Variants in ITFG1 observed in about 807,000 individuals in gnomAD.
The protein encoded by ITFG1 is integrin alpha FG-GAP repeat containing 1, also known as T-cell immunomodulatory protein.
A neutral mutation model predicts 81.8 loss-of-function variants in ITFG1; 34 were observed. That is an observed-to-expected ratio of 0.42 (90% confidence interval 0.32 to 0.55). The LOEUF is 0.55. Ranked by LOEUF, ITFG1 falls within the 20% of genes least tolerant of loss-of-function variation. The pLI is 0.17. For missense variants in ITFG1, 672 were observed against 755.4 expected (o/e 0.89, Z 1.29); for synonymous variants, 285 against 270.6 (o/e 1.05, Z -0.52).
At chr16:47,224,698 G>A (rs1010173630) in intron 13 of ITFG1, among the ~76,000 whole-genome samples, 2 of 151,980 alleles carry the variant, frequency 1.3e-5, no homozygotes, top group African/African-American at 2.4e-5. Context: ...TGGCTCATAC[G>A]TCGGGGAAAA....
At chr16:47,186,016 TG>T (rs1404464670) in intron 14 of ITFG1, among the ~76,000 whole-genome samples, 1 of 152,070 alleles carries the variant, frequency 6.6e-6, no homozygotes, top group Non-Finnish European at 1.5e-5. Flanking sequence ...CTAGAAGAAA[TG>T]GATAAATTCC....
At chr16:47,251,544 A>G (rs561804317) in intron 12 of ITFG1, among the ~76,000 whole-genome samples, 1 of 152,168 alleles carries the variant, frequency 6.6e-6, no homozygotes, top group Non-Finnish European at 1.5e-5. Flanking sequence ...GAAGACTAAC[A>G]GGAATAATCA....
intron 10 of ITFG1, among the ~76,000 whole-genome samples, chr16:47,303,473 T>C (rs1002163270): frequency 4.7e-4 from 62 of 130,738 alleles, no homozygotes; most frequent in African/African-American, 1.6e-3. Context: ...TTACCCAATA[T>C]AGCACTTAAT....
At chr16:47,376,840 G>A (rs1052863979) in intron 6 of ITFG1, among the ~76,000 whole-genome samples, 10 of 151,658 alleles carry the variant, frequency 6.6e-5, no homozygotes, top group African/African-American at 1.5e-4. Context: ...GTGATGGTGC[G>A]CACCTGTAGT....
chr16:47,258,613 A>G lies in ITFG1; in HGVS notation c.1330+19T>C, dbSNP rs748315436. ...GGGAAGAGAAAGAGAACAAAATTAA[A>G]TGTTAGTACTTTACTCACCAATAAC... On this transcript the variant is annotated intron_variant, in intron 12 of 17. Coordinates refer to ENST00000320640, the MANE Select transcript of ITFG1 (RefSeq NM_030790.5). 26 of 1,068,482 alleles carry G rather than the reference A, an allele frequency of 2.4e-5. No individual in the cohort carries two copies. The highest frequency in any genetic ancestry group is 2.9e-5 in the Non-Finnish European group (20 of 698,328). The allele number at this position is 1,068,482 out of a possible 1,614,324, so 66.2% of individuals were successfully genotyped here. A position where few individuals can be genotyped will look rare whatever the true frequency, so the allele number is the denominator to read the frequency against.
intron 13 of ITFG1, among the ~76,000 whole-genome samples, chr16:47,224,510 C>G (rs1409443780): frequency 6.6e-6 from 1 of 151,916 alleles, no homozygotes; most frequent in Non-Finnish European, 1.5e-5. Flanking sequence ...TGGCAACACA[C>G]AACAAAAAAT....
chr16:47,222,866 A>G (rs531238230), intron 13 of ITFG1, among the ~76,000 whole-genome samples: 80 of 152,342 alleles, frequency 5.3e-4, no homozygotes, highest in African/African-American at 1.9e-3. Flanking sequence ...GGTGCTGAGA[A>G]AAATGTATAT....
chr16:47,412,195 T>A (rs1306937561), intron 6 of ITFG1, among the ~76,000 whole-genome samples: 1 of 152,118 alleles, frequency 6.6e-6, no homozygotes, highest in Non-Finnish European at 1.5e-5. Context: ...CTCTGGTAAT[T>A]CAGTCAGAGT....
At chr16:47,237,736 C>A (rs1965892507) in intron 13 of ITFG1, among the ~76,000 whole-genome samples, 1 of 152,104 alleles carries the variant, frequency 6.6e-6, no homozygotes, top group South Asian at 2.1e-4. Flanking sequence ...GAGGGGTGGT[C>A]ATTCTGCTAA....
At chr16:47,396,674 G>C (rs776067045) in intron 6 of ITFG1, among the ~76,000 whole-genome samples, 20 of 152,162 alleles carry the variant, frequency 1.3e-4, no homozygotes, top group Non-Finnish European at 2.2e-4. Context: ...GGATAGGAGG[G>C]AAATGGAGGC....
In ITFG1 at chr16:47,353,273, G is replaced by T. The variant is rs150084498; in HGVS notation, c.802+12515C>A. Among the ~76,000 whole-genome samples the T allele has an allele frequency of 6.4e-4, 97 of 152,054 alleles. 1 individual carries two copies. Among genetic ancestry groups the T allele is most frequent in the African/African-American group, 2.1e-3 (87 of 41,482 alleles). On this transcript the variant is annotated intron_variant, in intron 8 of 17. Transcript: ENST00000320640. ...GGATTCATCCCAGAGGCATAAAAAT[G>T]GTTCAATATACACAAATCAATAAAT...
chr16:47,362,478 C>A (rs985978879), intron 8 of ITFG1, among the ~76,000 whole-genome samples: 15 of 152,204 alleles, frequency 9.9e-5, no homozygotes, highest in African/African-American at 2.9e-4. Flanking sequence ...CCCATCACTT[C>A]TACAGAATAA....
At chr16:47,425,457 G>C (rs1278107967) in intron 6 of ITFG1, among the ~76,000 whole-genome samples, 1 of 152,128 alleles carries the variant, frequency 6.6e-6, no homozygotes, top group East Asian at 1.9e-4. Context: ...TGCACCCACT[G>C]TCCAACCAGT....
At chr16:47,254,509 A>G (rs1442551060) in intron 12 of ITFG1, among the ~76,000 whole-genome samples, 1 of 152,178 alleles carries the variant, frequency 6.6e-6, no homozygotes, top group Non-Finnish European at 1.5e-5. Flanking sequence ...AAGAACTTGC[A>G]GACTTGAGCA....
At chr16:47,287,573 A>C (rs2151553045) in intron 10 of ITFG1, among the ~76,000 whole-genome samples, 1 of 151,292 alleles carries the variant, frequency 6.6e-6, no homozygotes, top group Admixed American at 6.6e-5. Flanking sequence ...GCTATTATAA[A>C]ATTTTTTTTT....
chr16:47,188,889 C>T (rs538986982), intron 14 of ITFG1, among the ~76,000 whole-genome samples: 33 of 152,268 alleles, frequency 2.2e-4, no homozygotes, highest in Admixed American at 1.8e-3. Flanking sequence ...CTTAGCCTCC[C>T]AAGTAGCTGG....
intron 12 of ITFG1, among the ~76,000 whole-genome samples, chr16:47,239,477 G>C (rs1965910313): frequency 6.6e-6 from 1 of 152,158 alleles, no homozygotes; most frequent in African/African-American, 2.4e-5. Context: ...GGGATTACAG[G>C]TGTGAGCCAC....
chr16:47,430,692 T>G (rs1969084326), intron 5 of ITFG1, among the ~76,000 whole-genome samples: 1 of 152,176 alleles, frequency 6.6e-6, no homozygotes, highest in Admixed American at 6.5e-5. Context: ...AAGTCCCTAC[T>G]TCACACTACA....
intron 10 of ITFG1, among the ~76,000 whole-genome samples, chr16:47,303,730 C>G (rs1372294398): frequency 6.6e-6 from 1 of 152,114 alleles, no homozygotes; most frequent in East Asian, 1.9e-4. Flanking sequence ...CTCAGGTGAT[C>G]CTCCTACTCA....
Sources: gnomAD v4.1 joint callset for allele counts (sites outside exome capture counted in the v4.1 genomes callset) on GRCh38, gnomAD v4.1.1 for gene constraint, MANE v1.5 for transcripts, NCBI Gene and HGNC (gene_info 2026-07-23, HGNC 2026-07-21) for gene names.